Variants in KCNA3 observed in about 807,000 individuals in gnomAD.
KCNA3 encodes the protein potassium voltage-gated channel subfamily A member 3, also known as RP11-284N8.3.
A neutral mutation model predicts 34.3 loss-of-function variants in KCNA3; 18 were observed. That is an observed-to-expected ratio of 0.52 (90% CI 0.36 to 0.78). The LOEUF is 0.78. KCNA3 is among the 30% of genes least tolerant of loss of function. The pLI, the probability that KCNA3 is intolerant of heterozygous loss-of-function variation, is 0.00. For missense variants in KCNA3, 587 were observed against 802.5 expected (o/e 0.73, Z 3.24); for synonymous variants, 324 against 351.7 (o/e 0.92, Z 0.88).
the KCNA3 span, among the ~76,000 whole-genome samples, chr1:110,661,342 G>A: frequency 2.6e-5 from 4 of 152,114 alleles, no homozygotes; most frequent in East Asian, 5.8e-4. Flanking sequence ...TTATACACTC[G>A]GTCACCTTGA....
In KCNA3 at chr1:110,674,644, C is replaced by A. The variant is rs372489050; in HGVS notation, c.166G>T (p.Val56Leu). 101 of 1,542,874 alleles carry A rather than the reference C, an allele frequency of 6.5e-5. No individual in the cohort carries two copies. In the African/African-American group the frequency reaches 1.4e-3, roughly 22 times the overall value. Reference protein sequence around the residue: ...GRELPPDMTVVPGDHLLEPEV... With the variant: ...GRELPPDMTVLPGDHLLEPEV... ...GGCTCCAGCAGGTGGTCCCCGGGCACCACGGTCATGTCGGGCGGCAGCTCG... is the reference window on the plus strand; with the variant it reads ...GGCTCCAGCAGGTGGTCCCCGGGCAACACGGTCATGTCGGGCGGCAGCTCG... The change falls in exon 1 of 1, where the codon GTG (valine) becomes TTG (leucine). Residue 56 changes from valine to leucine, a missense_variant. This residue lies in a region of KCNA3 where 341 missense variants were observed against 355.4 expected (regional missense o/e 0.96). Transcript: ENST00000369769. The surrounding 1 kb of genome is among the most constrained non-coding windows in gnomAD (Gnocchi z 6.4).
the KCNA3 span, among the ~76,000 whole-genome samples, chr1:110,662,769 T>C: frequency 7.9e-3 from 1,204 of 152,312 alleles, 11 homozygotes; most frequent in Admixed American, 0.013. Flanking sequence ...TGAGGTATAA[T>C]TGATACTACT....
the KCNA3 span, among the ~76,000 whole-genome samples, chr1:110,658,458 G>A: frequency 6.6e-6 from 1 of 152,132 alleles, no homozygotes; most frequent in African/African-American, 2.4e-5. Flanking sequence ...TTCACAGTTT[G>A]ACTTTCCATA....
downstream of KCNA3, chr1:110,672,450 A>G (rs1269740656): frequency 1.4e-5 from 2 of 146,678 alleles, no homozygotes; most frequent in Non-Finnish European, 3.0e-5. Context: ...TAAACTAATT[A>G]GTCAGATCAG....
At chr1:110,664,651 T>C in the KCNA3 span, among the ~76,000 whole-genome samples, 1 of 152,236 alleles carries the variant, frequency 6.6e-6, no homozygotes, top group Non-Finnish European at 1.5e-5. Flanking sequence ...GGGCACCAAC[T>C]GTATTTCAGG....
At chr1:110,664,365 T>A in the KCNA3 span, among the ~76,000 whole-genome samples, 1 of 152,228 alleles carries the variant, frequency 6.6e-6, no homozygotes, top group Non-Finnish European at 1.5e-5. Context: ...AAGGTAACAG[T>A]TAAGTTACTT....
chr1:110,674,402 G>T lies in KCNA3; in HGVS notation c.408C>A (p.Arg136=), dbSNP rs758087477. The part of the protein sequence containing the change: ...PETLLGDPKR[R]MRYFDPLRNE... ...TGCGGAGCGGGTCGAAGTACCTCAT[G>T]CGCCGCTTGGGGTCGCCCAGCAGCG... The change falls in exon 1 of 1, where the codon CGC becomes CGA. Residue 136 remains arginine (R), a synonymous_variant. Transcript: ENST00000369769. The surrounding 1 kb of genome is among the most constrained non-coding windows in gnomAD (Gnocchi z 6.4). 6.2e-7 allele frequency: 1 copy of T among 1,614,042 alleles called. No homozygotes were observed. Among genetic ancestry groups the T allele is most frequent in the Non-Finnish European group, 8.5e-7 (1 of 1,180,024 alleles).
the KCNA3 span, among the ~76,000 whole-genome samples, chr1:110,663,444 G>T: frequency 6.6e-6 from 1 of 152,140 alleles, no homozygotes; most frequent in Non-Finnish European, 1.5e-5. Flanking sequence ...TGACACATTT[G>T]GTAAGGAAAT....
the KCNA3 span, among the ~76,000 whole-genome samples, chr1:110,663,574 T>C: frequency 6.6e-6 from 1 of 152,186 alleles, no homozygotes; most frequent in East Asian, 1.9e-4. Flanking sequence ...CTATTCTTAT[T>C]AGGAGAAGCC....
chr1:110,670,165 T>A (rs1479007224), downstream of KCNA3, among the ~76,000 whole-genome samples: 4 of 152,186 alleles, frequency 2.6e-5, no homozygotes, highest in Non-Finnish European at 5.9e-5. Context: ...TTTAACCACT[T>A]TATTAAAAGC....
In KCNA3 at chr1:110,674,279, G is replaced by A; in HGVS notation, c.531C>T (p.Ile177=). The A allele has an allele frequency of 1.2e-6, 2 of 1,614,158 alleles. No individual in the cohort carries two copies. The highest frequency in any genetic ancestry group is 1.7e-6 in the Non-Finnish European group (2 of 1,180,024). ...AGCGGATCTCCTCGGAGAAAATGTCGATGGGCACGTTGACCGGCCGGCGGA... is the reference window on the plus strand; with the variant it reads ...AGCGGATCTCCTCGGAGAAAATGTCAATGGGCACGTTGACCGGCCGGCGGA... ...GRIRRPVNVP[I]DIFSEEIRFY... The change falls in exon 1 of 1, where the codon ATC becomes ATT. Residue 177 remains isoleucine (I), a synonymous_variant. Transcript: ENST00000369769. This position sits in a 1 kb window ranked among gnomAD's most constrained non-coding sequence, Gnocchi z 6.4.
the KCNA3 span, among the ~76,000 whole-genome samples, chr1:110,658,445 A>G: frequency 6.6e-6 from 1 of 152,156 alleles, no homozygotes; most frequent in East Asian, 1.9e-4. Flanking sequence ...TATATAATAA[A>G]TTTTCACAGT....
downstream of KCNA3, among the ~76,000 whole-genome samples, chr1:110,671,351 A>T (rs1557758106): frequency 1.3e-5 from 2 of 152,274 alleles, no homozygotes; most frequent in African/African-American, 4.8e-5. Flanking sequence ...TTTTAAAAAG[A>T]CACCAAGCAT....
In KCNA3 at chr1:110,672,946, G is replaced by T; in HGVS notation, c.*136C>A. 1 of 870,242 alleles carries T rather than the reference G, an allele frequency of 1.1e-6. No homozygotes were observed. Among genetic ancestry groups the T allele is most frequent in the East Asian group, 2.5e-5 (1 of 40,156 alleles). The allele number at this position is 870,242 out of a possible 1,614,324, so 53.9% of individuals were successfully genotyped here. On this transcript the variant is annotated 3_prime_UTR_variant, in exon 1 of 1. Transcript: ENST00000369769. Reference sequence around the variant, plus strand: ...CAGTATGAAGCAGCAGGGAGAGGGAGAATGAAGTGTGCTTTCCACTTCTTC... The same window carrying T: ...CAGTATGAAGCAGCAGGGAGAGGGATAATGAAGTGTGCTTTCCACTTCTTC...
At chr1:110,666,349 G>A in the KCNA3 span, among the ~76,000 whole-genome samples, 1 of 152,218 alleles carries the variant, frequency 6.6e-6, no homozygotes, top group Non-Finnish European at 1.5e-5. Context: ...GAGGTGAGGA[G>A]AGAAAGAGGA....
chr1:110,670,751 A>G (rs190203183), downstream of KCNA3, among the ~76,000 whole-genome samples: 1 of 152,166 alleles, frequency 6.6e-6, no homozygotes, highest in Admixed American at 6.5e-5. Flanking sequence ...ACAAACAACA[A>G]ATCTATGACC....
chr1:110,668,956 T>C (rs1651786676), downstream of KCNA3, among the ~76,000 whole-genome samples: 1 of 152,214 alleles, frequency 6.6e-6, no homozygotes, highest in Admixed American at 6.5e-5. Context: ...CATTATCCAT[T>C]TTCATTTCAT....
the KCNA3 span, chr1:110,655,646 C>T: frequency 6.6e-6 from 1 of 152,122 alleles, no homozygotes; most frequent in Non-Finnish European, 1.5e-5. Flanking sequence ...AATTGCTCCA[C>T]TAGTCAAAAT....
the KCNA3 span, among the ~76,000 whole-genome samples, chr1:110,664,789 GAA>G: frequency 6.6e-6 from 1 of 152,202 alleles, no homozygotes; most frequent in African/African-American, 2.4e-5. Context: ...GGAAAAATAA[GAA>G]GAGAAAGGAT....
Sources: gnomAD v4.1 joint callset for allele counts (sites outside exome capture counted in the v4.1 genomes callset) on GRCh38, gnomAD v4.1.1 for gene constraint, gnomAD v4.1.1 regional missense constraint, Gnocchi (gnomAD v3.1) non-coding constraint, MANE v1.5 for transcripts, NCBI Gene and HGNC (gene_info 2026-07-23, HGNC 2026-07-21) for gene names.